Variants in CDH12 observed in about 807,000 individuals in gnomAD.
The protein encoded by CDH12 is cadherin 12.
Under a neutral mutation model 74.1 loss-of-function variants are expected in CDH12, and 41 were observed. The ratio of observed to expected loss-of-function variants is 0.55; its 90% CI spans 0.43 to 0.72. The LOEUF (loss-of-function observed/expected upper bound fraction) is 0.72, where lower values mean the gene tolerates loss of function less well. Ranked by LOEUF, CDH12 falls within the 30% of genes least tolerant of loss-of-function variation. CDH12 has a pLI of 0.00. For synonymous variants in CDH12, 399 were observed against 355.0 expected (o/e 1.12, Z -1.39); for missense variants, 945 against 977.2 (o/e 0.97, Z 0.44).
At chr5:21,957,622 T>C (rs929688832) in intron 6 of CDH12, among the ~76,000 whole-genome samples, 8 of 152,180 alleles carry the variant, frequency 5.3e-5, no homozygotes, top group Non-Finnish European at 7.3e-5. Context: ...TGGTATGAAA[T>C]TATATTTCAT....
intron 8 of CDH12, among the ~76,000 whole-genome samples, chr5:21,818,979 C>T (rs1012334885): frequency 6.6e-6 from 1 of 151,920 alleles, no homozygotes; most frequent in African/African-American, 2.4e-5. Flanking sequence ...TTCCTAAGCA[C>T]TTAACATAGT....
chr5:22,491,621 AC>A (rs1554044834), intron 2 of CDH12, among the ~76,000 whole-genome samples: 2 of 2,544 alleles, frequency 7.9e-4, no homozygotes. Context: ...AAAAAAAAAA[AC>A]AAAAAAAAAA....
chr5:22,829,193 G>A (rs1736469328), intron 1 of CDH12, among the ~76,000 whole-genome samples: 1 of 152,168 alleles, frequency 6.6e-6, no homozygotes. Context: ...ATTCAGACAT[G>A]AGTAGATTTA....
chr5:22,197,683 A>G (rs1750700735), intron 4 of CDH12, among the ~76,000 whole-genome samples: 1 of 152,060 alleles, frequency 6.6e-6, no homozygotes, highest in Non-Finnish European at 1.5e-5. Context: ...TGAAACTATG[A>G]TGTTATTATC....
chr5:22,479,425 C>A (rs1746297449), intron 2 of CDH12, among the ~76,000 whole-genome samples: 1 of 152,248 alleles, frequency 6.6e-6, no homozygotes, highest in Admixed American at 6.5e-5. Context: ...GAATATAGCA[C>A]AGAAGTTAGA....
At chr5:22,656,133 T>C (rs1740020813) in intron 1 of CDH12, among the ~76,000 whole-genome samples, 1 of 152,198 alleles carries the variant, frequency 6.6e-6, no homozygotes. Context: ...AGTCCATGGC[T>C]CTTTTAGATT....
At chr5:21,971,895 C>T (rs1000897008) in intron 6 of CDH12, among the ~76,000 whole-genome samples, 5 of 152,124 alleles carry the variant, frequency 3.3e-5, no homozygotes, top group African/African-American at 9.7e-5. Context: ...AAGTCAGTAA[C>T]GGAGTGATCT....
At chr5:22,523,379 T>A (rs1401507117) in intron 1 of CDH12, among the ~76,000 whole-genome samples, 1 of 152,164 alleles carries the variant, frequency 6.6e-6, no homozygotes, top group Non-Finnish European at 1.5e-5. Context: ...TTTTCCTGAA[T>A]ACACTTCTAT....
chr5:22,073,156 C>T (rs183492531), intron 5 of CDH12, among the ~76,000 whole-genome samples: 313 of 152,234 alleles, frequency 2.1e-3, no homozygotes, highest in African/African-American at 7.0e-3. Context: ...AGGCTTAATA[C>T]TGTCTCAGTT....
intron 1 of CDH12, among the ~76,000 whole-genome samples, chr5:22,598,887 A>T (rs1462112214): frequency 6.6e-6 from 1 of 152,064 alleles, no homozygotes; most frequent in African/African-American, 2.4e-5. Context: ...ATGTTTCTAG[A>T]AGTAAGTGGT....
chr5:22,352,006 A>G (rs1740373927), intron 3 of CDH12, among the ~76,000 whole-genome samples: 1 of 152,196 alleles, frequency 6.6e-6, no homozygotes, highest in Non-Finnish European at 1.5e-5. Flanking sequence ...ATCAAATTTA[A>G]TTTTTGATGC....
At chr5:22,660,806 T>C (rs1740308671) in intron 1 of CDH12, among the ~76,000 whole-genome samples, 1 of 152,230 alleles carries the variant, frequency 6.6e-6, no homozygotes, top group Non-Finnish European at 1.5e-5. Context: ...TAGATATTTT[T>C]TAATTGTGAG....
rs1751083534 is a variant in CDH12, at chr5:22,204,178, T to TG, written c.-187+8319_-187+8320insC. Among the ~76,000 whole-genome samples the TG allele has an allele frequency of 2.7e-5, 4 of 147,210 alleles. No homozygotes were observed. The South Asian group carries it at 6.4e-4, about 24-fold the overall frequency. On this transcript the variant is annotated intron_variant, in intron 4 of 14. Coordinates refer to ENST00000382254, the MANE Select transcript of CDH12 (RefSeq NM_004061.5). The stretch of plus-strand genomic sequence containing the variant: ...GTTTTGTTTGTTTTTTTTTTTTTGT[T>TG]TTTTGTTTTTTTGAGACGGAGTCTC...
chr5:22,470,785 T>G (rs1745926225), intron 2 of CDH12, among the ~76,000 whole-genome samples: 1 of 151,942 alleles, frequency 6.6e-6, no homozygotes, highest in Admixed American at 6.6e-5. Context: ...CTATAATATC[T>G]ATATATTAAA....
At chr5:22,104,646 G>A (rs1479692555) in intron 4 of CDH12, among the ~76,000 whole-genome samples, 1 of 152,112 alleles carries the variant, frequency 6.6e-6, no homozygotes, top group African/African-American at 2.4e-5. Context: ...CTTTCTTCAA[G>A]TGGAACACAG....
At chr5:22,055,345 G>A (rs1276386057) in intron 5 of CDH12, among the ~76,000 whole-genome samples, 1 of 152,156 alleles carries the variant, frequency 6.6e-6, no homozygotes, top group East Asian at 1.9e-4. Context: ...GCAAGTAAGA[G>A]TGACCTGATT....
chr5:21,978,033 T>C (rs542122578), intron 5 of CDH12, among the ~76,000 whole-genome samples: 232 of 152,338 alleles, frequency 1.5e-3, no homozygotes, highest in Middle Eastern at 0.014. Context: ...ATAAATGACA[T>C]TGGCTCTTGT....
intron 1 of CDH12, among the ~76,000 whole-genome samples, chr5:22,550,059 C>G (rs1442952340): frequency 6.6e-6 from 1 of 152,206 alleles, no homozygotes; most frequent in Non-Finnish European, 1.5e-5. Flanking sequence ...TTCTTAGCAA[C>G]ATCTCACACA....
chr5:22,327,433 T>C (rs1739168172), intron 3 of CDH12, among the ~76,000 whole-genome samples: 2 of 81,614 alleles, frequency 2.5e-5, no homozygotes, highest in African/African-American at 1.1e-4. Context: ...TGCCTCTGTG[T>C]GTGTGTGTGT....
Sources: allele counts gnomAD v4.1 joint callset (sites outside exome capture counted in the v4.1 genomes callset), GRCh38; gene constraint gnomAD v4.1.1; transcripts MANE v1.5; gene names NCBI Gene and HGNC (gene_info 2026-07-23, HGNC 2026-07-21).